Variants in PTPRD observed in about 807,000 individuals in gnomAD.
PTPRD encodes protein tyrosine phosphatase receptor type D.
A neutral mutation model predicts 214.5 loss-of-function variants in PTPRD; 34 were observed. That is an observed-to-expected ratio of 0.16 (90% CI 0.12 to 0.21). The LOEUF (loss-of-function observed/expected upper bound fraction) is 0.21, where lower values mean the gene tolerates loss of function less well. Among genes scored for constraint, PTPRD ranks in the 10% least tolerant of loss-of-function variants. PTPRD has a pLI of 1.00. For synonymous variants in PTPRD, 1,128 were observed against 845.7 expected, an observed-to-expected ratio of 1.33 and a Z score of -5.79; for missense variants, 2,545 against 2,398.7, an observed-to-expected ratio of 1.06 and a Z score of -1.27.
chr9:10,100,590 G>C (rs1022400901), intron 3 of PTPRD, among the ~76,000 whole-genome samples: 1 of 151,646 alleles, frequency 6.6e-6, no homozygotes, highest in Non-Finnish European at 1.5e-5. Context: ...TTTCATAGGA[G>C]TTTTATTACT....
chr9:8,974,246 A>G (rs1220471871), intron 11 of PTPRD, among the ~76,000 whole-genome samples: 1 of 152,054 alleles, frequency 6.6e-6, no homozygotes, highest in Non-Finnish European at 1.5e-5. Flanking sequence ...GTAAAGATCT[A>G]ATTTCATTCT....
At chr9:9,471,687 G>A (rs951319254) in intron 8 of PTPRD, among the ~76,000 whole-genome samples, 1 of 151,978 alleles carries the variant, frequency 6.6e-6, no homozygotes, top group East Asian at 1.9e-4. Flanking sequence ...TTGCTCTCAT[G>A]TACTTATTTT....
intron 39 of PTPRD, among the ~76,000 whole-genome samples, chr9:8,364,943 G>C (rs2079435742): frequency 6.6e-6 from 1 of 151,926 alleles, no homozygotes; most frequent in African/African-American, 2.4e-5. Flanking sequence ...GGTGCTTTCT[G>C]GTTATTTTCC....
intron 5 of PTPRD, among the ~76,000 whole-genome samples, chr9:9,769,312 A>G (rs2098732514): frequency 7.4e-6 from 1 of 135,250 alleles, no homozygotes; most frequent in African/African-American, 2.7e-5. Context: ...TTTTAACCAG[A>G]AGCCCTTTTT....
chr9:9,172,838 T>C (rs1304746227), intron 10 of PTPRD, among the ~76,000 whole-genome samples: 1 of 152,154 alleles, frequency 6.6e-6, no homozygotes, highest in Non-Finnish European at 1.5e-5. Flanking sequence ...GCCTTTATCC[T>C]GCACCTGGCA....
At chr9:9,425,927 A>G (rs1412718821) in intron 8 of PTPRD, among the ~76,000 whole-genome samples, 3 of 152,158 alleles carry the variant, frequency 2.0e-5, no homozygotes, top group Non-Finnish European at 2.9e-5. Flanking sequence ...ACACTGGGGG[A>G]GGTTCCAAGA....
chr9:9,253,118 G>T (rs1468845900), intron 9 of PTPRD, among the ~76,000 whole-genome samples: 2 of 152,018 alleles, frequency 1.3e-5, no homozygotes, highest in Non-Finnish European at 2.9e-5. Flanking sequence ...GTGTCCAGCA[G>T]CAACATCCCA....
chr9:9,705,546 T>C (rs913284764), intron 7 of PTPRD, among the ~76,000 whole-genome samples: 1 of 152,122 alleles, frequency 6.6e-6, no homozygotes, highest in South Asian at 2.1e-4. Context: ...TCTCAAGCAC[T>C]TGAGGTCTTT....
chr9:9,192,549 T>C (rs1012715258), intron 9 of PTPRD, among the ~76,000 whole-genome samples: 1 of 152,136 alleles, frequency 6.6e-6, no homozygotes, highest in Non-Finnish European at 1.5e-5. Context: ...ATAATTTCCC[T>C]TTATTCTTGT....
chr9:9,748,495 C>G (rs564302687), intron 6 of PTPRD, among the ~76,000 whole-genome samples: 1 of 152,226 alleles, frequency 6.6e-6, no homozygotes, highest in African/African-American at 2.4e-5. Context: ...ATTTTGAAAA[C>G]AGAAAAATAA....
At chr9:10,477,186 T>C (rs913522660) in intron 2 of PTPRD, among the ~76,000 whole-genome samples, 10 of 151,948 alleles carry the variant, frequency 6.6e-5, no homozygotes, top group Non-Finnish European at 1.5e-4. Flanking sequence ...ATCATCAGAG[T>C]GAACAGGCAA....
At chr9:8,398,155 C>G (rs2091633435) in intron 36 of PTPRD, among the ~76,000 whole-genome samples, 1 of 152,136 alleles carries the variant, frequency 6.6e-6, no homozygotes, top group African/African-American at 2.4e-5. Context: ...ATGCATAACA[C>G]TAAAGATAAT....
At chr9:10,003,638 G>T (rs575499974) in intron 4 of PTPRD, among the ~76,000 whole-genome samples, 3 of 151,658 alleles carry the variant, frequency 2.0e-5, no homozygotes, top group African/African-American at 7.2e-5. Context: ...AACCCAATAA[G>T]ATTAATATTG....
intron 9 of PTPRD, among the ~76,000 whole-genome samples, chr9:9,194,277 A>C (rs1167761052): frequency 6.6e-6 from 1 of 152,168 alleles, no homozygotes; most frequent in East Asian, 1.9e-4. Flanking sequence ...GCTATATTAC[A>C]GTTAACTTTT....
chr9:10,568,578 C>G (rs1006705922), intron 2 of PTPRD, among the ~76,000 whole-genome samples: 1 of 152,044 alleles, frequency 6.6e-6, no homozygotes, highest in African/African-American at 2.4e-5. Flanking sequence ...TTTACAGTCC[C>G]ACCAACAGTG....
At chr9:10,467,684 A>C (rs1381978151) in intron 2 of PTPRD, among the ~76,000 whole-genome samples, 1 of 152,246 alleles carries the variant, frequency 6.6e-6, no homozygotes, top group East Asian at 1.9e-4. Flanking sequence ...ATATGTGTGT[A>C]AACACAACAC....
chr9:9,514,440 G>C (rs1276081250), intron 8 of PTPRD, among the ~76,000 whole-genome samples: 1 of 152,044 alleles, frequency 6.6e-6, no homozygotes, highest in African/African-American at 2.4e-5. Context: ...CAAAAGACAA[G>C]TACTTGGAAT....
At chr9:9,677,303 G>A (rs1485170111) in intron 7 of PTPRD, among the ~76,000 whole-genome samples, 1 of 151,936 alleles carries the variant, frequency 6.6e-6, no homozygotes, top group Non-Finnish European at 1.5e-5. Context: ...GTTAATTTTT[G>A]TATAAGGTGT....
intron 8 of PTPRD, among the ~76,000 whole-genome samples, chr9:9,432,473 C>T (rs541707012): frequency 6.6e-6 from 1 of 152,188 alleles, no homozygotes; most frequent in East Asian, 1.9e-4. Flanking sequence ...TAGCCTAATA[C>T]CTCAGTTTAA....
Sources: gnomAD v4.1 joint callset for allele counts (sites outside exome capture counted in the v4.1 genomes callset) on GRCh38, gnomAD v4.1.1 for gene constraint, MANE v1.5 for transcripts, NCBI Gene and HGNC (gene_info 2026-07-23, HGNC 2026-07-21) for gene names.